The following GALNTL5 variants were observed in gnomAD, a reference collection of about 807,000 sequenced individuals.
GALNTL5 encodes the protein inactive polypeptide N-acetylgalactosaminyltransferase-like protein 5.
A neutral mutation model predicts 51.0 loss-of-function variants in GALNTL5; 44 were observed. The ratio of observed to expected loss-of-function variants is 0.86; its 90% CI spans 0.68 to 1.11. The LOEUF is 1.11. GALNTL5 is among the 50% of genes least tolerant of loss of function. The pLI is 0.00. For missense variants in GALNTL5, 528 were observed against 531.8 expected (o/e 0.99, Z 0.07); for synonymous variants, 192 against 182.8 (o/e 1.05, Z -0.41).
intron 6 of GALNTL5, among the ~76,000 whole-genome samples, chr7:152,003,651 T>C (rs1166498267): frequency 2.0e-5 from 3 of 152,054 alleles, no homozygotes; most frequent in African/African-American, 4.8e-5. Context: ...GGAACAAAAG[T>C]GTACTTTATT....
chr7:152,000,183 T>A (rs538524251), intron 5 of GALNTL5, among the ~76,000 whole-genome samples: 1 of 152,228 alleles, frequency 6.6e-6, no homozygotes, highest in Non-Finnish European at 1.5e-5. Context: ...GATTAGTAGC[T>A]GTATTTATGG....
intron 5 of GALNTL5, among the ~76,000 whole-genome samples, chr7:151,988,184 G>A (rs1287925384): frequency 6.6e-6 from 1 of 152,014 alleles, no homozygotes. Context: ...CCTCCCCTGG[G>A]GGCAGGTATG....
In GALNTL5 at chr7:151,956,575, T is replaced by C. The variant is rs1586795599; in HGVS notation, c.-74T>C. 2.0e-5 allele frequency: 3 copies of C among 152,264 alleles called. No homozygotes were observed. Among genetic ancestry groups the C allele is most frequent in the Admixed American group, 2.0e-4 (3 of 15,296 alleles). 9.4% of individuals were successfully genotyped at this position (152,264 alleles called of 1,614,324 possible). On this transcript the variant is annotated 5_prime_UTR_variant, in exon 1 of 9. Transcript: ENST00000392800. The stretch of plus-strand genomic sequence containing the variant: ...GCTGTGACTCTGCTTGGAAAATTCA[T>C]CAGTTACAAAGCAGCCAATGCAATT...
chr7:151,970,703 T>C (rs1287168538), intron 2 of GALNTL5: 1 of 294,048 alleles, frequency 3.4e-6, no homozygotes, highest in Non-Finnish European at 6.5e-6. Context: ...TGCAGAACTG[T>C]GAGCCAAATA....
At chr7:151,982,292 T>C (rs910060686) in intron 3 of GALNTL5, among the ~76,000 whole-genome samples, 1 of 152,004 alleles carries the variant, frequency 6.6e-6, no homozygotes, top group Non-Finnish European at 1.5e-5. Context: ...TGCATGCCTG[T>C]AATCCCAGCT....
chr7:151,998,161 A>G (rs1009826380), intron 5 of GALNTL5, among the ~76,000 whole-genome samples: 1 of 152,200 alleles, frequency 6.6e-6, no homozygotes, highest in African/African-American at 2.4e-5. Context: ...GTGAGCTATA[A>G]TAGCACCACT....
intron 3 of GALNTL5, among the ~76,000 whole-genome samples, chr7:151,976,571 A>G (rs1242967424): frequency 1.3e-5 from 2 of 152,034 alleles, no homozygotes; most frequent in African/African-American, 2.4e-5. Flanking sequence ...TTTTTTAATC[A>G]TGTTTTTCAA....
chr7:151,976,827 C>A (rs573011736), intron 3 of GALNTL5, among the ~76,000 whole-genome samples: 17 of 152,100 alleles, frequency 1.1e-4, no homozygotes, highest in Non-Finnish European at 1.5e-4. Flanking sequence ...ACCACCACAC[C>A]CGGTTAATTT....
chr7:151,982,554 G>A (rs943753990), intron 3 of GALNTL5, among the ~76,000 whole-genome samples: 1 of 151,594 alleles, frequency 6.6e-6, no homozygotes, highest in African/African-American at 2.4e-5. Context: ...TTTCTCTGAA[G>A]ACAGCACAAT....
At chr7:152,006,594 T>C (rs2081646441) in intron 6 of GALNTL5, among the ~76,000 whole-genome samples, 1 of 152,152 alleles carries the variant, frequency 6.6e-6, no homozygotes, top group Non-Finnish European at 1.5e-5. Context: ...CCTACATTGC[T>C]GCATTCTTAT....
Position 151,982,853 on chromosome 7 carries a change from C to T in GALNTL5, c.369-133C>T, listed in dbSNP as rs760551917. On this transcript the variant is annotated intron_variant, in intron 3 of 8. Coordinates refer to ENST00000392800, the MANE Select transcript of GALNTL5 (RefSeq NM_145292.4). Reference sequence around the variant, plus strand: ...TTTGTGTTTTTAGATGTACTGTCACCTTATTACCATAATTATCAGTTGAAG... The same window carrying T: ...TTTGTGTTTTTAGATGTACTGTCACTTTATTACCATAATTATCAGTTGAAG... 9 of 1,565,684 alleles carry T rather than the reference C, an allele frequency of 5.7e-6. No individual in the cohort carries two copies. The African/African-American group carries it at 1.2e-4, about 21-fold the overall frequency.
chr7:152,019,707 G>C lies in GALNTL5; in HGVS notation c.1238G>C (p.Arg413Pro). Residue 413 changes from arginine to proline, a missense_variant, in exon 9 of 9, where the codon CGT becomes CCT. Physicochemically the swap from Arg to Pro is moderately radical, Grantham distance 103 (BLOSUM62 -2). Coordinates refer to ENST00000392800, the MANE Select transcript of GALNTL5 (RefSeq NM_145292.4). ...KYVTYGNIRE[R>P]VELRKRLGCK... ...GTCACCTACGGAAATATTCGCGAGCGTGTTGAGTTAAGGAAACGACTGGGT... is the reference window on the plus strand; with the variant it reads ...GTCACCTACGGAAATATTCGCGAGCCTGTTGAGTTAAGGAAACGACTGGGT... The C allele has an allele frequency of 6.2e-7, 1 of 1,613,886 alleles. No homozygotes were observed. Among genetic ancestry groups the C allele is most frequent in the Non-Finnish European group, 8.5e-7 (1 of 1,179,772 alleles).
Position 151,983,183 on chromosome 7 carries a change from T to TTTG in GALNTL5, c.535+47_535+49dup, listed in dbSNP as rs147547437. On this transcript the variant is annotated intron_variant, in intron 4 of 8. Coordinates refer to ENST00000392800, the MANE Select transcript of GALNTL5 (RefSeq NM_145292.4). The stretch of plus-strand genomic sequence containing the variant: ...ATAGAACACTCATTATCTCATCTAC[T>TTTG]TTGTTGTTGTTGTTGTTGAGATTTC... 655 of 1,547,094 alleles carry TTTG rather than the reference T, an allele frequency of 4.2e-4. 2 individuals are homozygous for TTTG. The African/African-American group carries it at 7.0e-3, about 17-fold the overall frequency.
intron 5 of GALNTL5, among the ~76,000 whole-genome samples, chr7:151,999,837 G>T (rs997630170): frequency 4.6e-5 from 7 of 152,184 alleles, no homozygotes; most frequent in African/African-American, 1.4e-4. Flanking sequence ...GCTCAGTTTT[G>T]GTTGAGGCAT....
At chr7:151,965,582 G>A (rs1438680252) in intron 1 of GALNTL5, among the ~76,000 whole-genome samples, 2 of 152,084 alleles carry the variant, frequency 1.3e-5, no homozygotes, top group Non-Finnish European at 2.9e-5. Flanking sequence ...TAAAAAATCA[G>A]CGTTAACAGT....
chr7:151,976,793 G>T (rs182097220), intron 3 of GALNTL5, among the ~76,000 whole-genome samples: 137 of 152,102 alleles, frequency 9.0e-4, no homozygotes, highest in Non-Finnish European at 8.8e-4. Flanking sequence ...TCAGCCTCCT[G>T]AGTAGCTGGG....
At chr7:151,963,256 T>C (rs958987665) in intron 1 of GALNTL5, among the ~76,000 whole-genome samples, 7 of 152,226 alleles carry the variant, frequency 4.6e-5, no homozygotes, top group Non-Finnish European at 1.0e-4. Context: ...CTCTCATCAC[T>C]TTGTGGAACT....
chr7:151,970,105 C>A (rs2081114120), intron 2 of GALNTL5, among the ~76,000 whole-genome samples: 1 of 149,840 alleles, frequency 6.7e-6, no homozygotes, highest in Admixed American at 6.7e-5. Flanking sequence ...CCACCGCACC[C>A]GGCCCCAAAA....
intron 5 of GALNTL5, among the ~76,000 whole-genome samples, chr7:151,990,211 AT>A (rs1158867175): frequency 6.6e-6 from 1 of 151,588 alleles, no homozygotes; most frequent in Non-Finnish European, 1.5e-5. Flanking sequence ...CCCAGCTAAT[AT>A]TTTGTATTTT....
Sources: allele counts gnomAD v4.1 joint callset (sites outside exome capture counted in the v4.1 genomes callset), GRCh38; gene constraint gnomAD v4.1.1; transcripts MANE v1.5; gene names NCBI Gene and HGNC (gene_info 2026-07-23, HGNC 2026-07-21).